SPTAN1: variants seen among roughly 807,000 people sequenced by gnomAD.
SPTAN1 encodes the protein spectrin alpha chain, non-erythrocytic 1.
A neutral mutation model predicts 331.3 loss-of-function variants in SPTAN1; 61 were observed. The observed-to-expected ratio is 0.18, with a 90% CI of 0.15 to 0.23. The LOEUF (loss-of-function observed/expected upper bound fraction) is 0.23, where lower values mean the gene tolerates loss of function less well. Ranked by LOEUF, SPTAN1 falls within the 10% of genes least tolerant of loss-of-function variation. The pLI is 1.00. For synonymous variants in SPTAN1, 1,153 were observed against 1,173.9 expected, an observed-to-expected ratio of 0.98 and a Z score of 0.36; for missense variants, 2,043 against 3,147.9, an observed-to-expected ratio of 0.65 and a Z score of 8.40.
rs1314945039 is a variant in SPTAN1, at chr9:128,575,270, A to G, written c.576A>G (p.Glu192=). Residue 192 remains glutamate (E), a synonymous_variant, in exon 5 of 57, where the codon GAA becomes GAG. Transcript: ENST00000372739. ...TAGAGGTTTTACAGAAGAAATTTGAAGAGTTTCAAACAGATATGGCTGCTC... is the reference window on the plus strand; with the variant it reads ...TAGAGGTTTTACAGAAGAAATTTGAGGAGTTTCAAACAGATATGGCTGCTC... ...EHVEVLQKKF[E]EFQTDMAAHE... 3.1e-6 allele frequency: 5 copies of G among 1,614,082 alleles called. No homozygotes were observed. The highest frequency in any genetic ancestry group is 4.2e-6 in the Non-Finnish European group (5 of 1,180,054).
chr9:128,612,709 T>G (rs1278602898), intron 39 of SPTAN1, among the ~76,000 whole-genome samples: 2 of 152,154 alleles, frequency 1.3e-5, no homozygotes, highest in African/African-American at 4.8e-5. Flanking sequence ...GCAGATCACT[T>G]GAGGTCAGGA....
chr9:128,623,622 ATT>A (rs777632874), intron 45 of SPTAN1, among the ~76,000 whole-genome samples: 1,203 of 117,090 alleles, frequency 0.01, 11 homozygotes, highest in African/African-American at 0.036. Context: ...AACCTGGCTA[ATT>A]TTTTTTTTTT....
In SPTAN1 at chr9:128,584,767, C is replaced by T; in HGVS notation, c.2484C>T (p.Ala828=). The T allele has an allele frequency of 6.2e-7, 1 of 1,614,144 alleles. No individual in the cohort carries two copies. Among genetic ancestry groups the T allele is most frequent in the Non-Finnish European group, 8.5e-7 (1 of 1,180,030 alleles). Residue 828 remains alanine, a synonymous_variant, in exon 18 of 57, where the codon GCC becomes GCT. Coordinates refer to ENST00000372739, the MANE Select transcript of SPTAN1 (RefSeq NM_001130438.3). ...AGAATCTGCTAAAGAAACATCAAGC[C>T]TTACAAGCAGAAATTGCTGGACATG... ...GVQNLLKKHQ[A]LQAEIAGHEP... is the part of the protein sequence containing the mutation.
chr9:128,623,912 C>G (rs968749589), intron 45 of SPTAN1, among the ~76,000 whole-genome samples: 3 of 150,998 alleles, frequency 2.0e-5, no homozygotes, highest in Non-Finnish European at 4.4e-5. Flanking sequence ...ATGGTGAAAC[C>G]CCCATCTCTA....
At position 128,627,123 on chromosome 9, in the gene SPTAN1, A is replaced by G. The variant is rs1858877013; in HGVS notation, c.6577-263A>G. 3.3e-6 allele frequency: 2 copies of G among 599,086 alleles called. No individual in the cohort carries two copies. The highest frequency in any genetic ancestry group is 6.2e-6 in the Non-Finnish European group (2 of 320,568). 37.1% of individuals were successfully genotyped at this position (599,086 alleles called of 1,614,324 possible). On this transcript the variant is annotated intron_variant, in intron 49 of 56. Coordinates refer to ENST00000372739, the MANE Select transcript of SPTAN1 (RefSeq NM_001130438.3). This position sits in a 1 kb window ranked among gnomAD's most constrained non-coding sequence, Gnocchi z 4.9. ...CCACTGTACCCAGCCAGAAGTTTCC[A>G]TTTCTGACAGTCCAGCAACTCCCTG...
chr9:128,563,191 G>A (rs1306334862), intron 1 of SPTAN1, among the ~76,000 whole-genome samples: 2 of 151,838 alleles, frequency 1.3e-5, no homozygotes, highest in Non-Finnish European at 1.5e-5. Flanking sequence ...TGAGGCATGT[G>A]TATCACTTGA....
At chr9:128,561,012 T>A (rs2132777561) in intron 1 of SPTAN1, among the ~76,000 whole-genome samples, 2 of 39,052 alleles carry the variant, frequency 5.1e-5, no homozygotes, top group East Asian at 7.4e-4. Flanking sequence ...CAAGACCCCA[T>A]CTCAAAAAAA....
intron 10 of SPTAN1, among the ~76,000 whole-genome samples, chr9:128,580,039 A>G (rs555282281): frequency 7.2e-4 from 110 of 152,212 alleles, no homozygotes; most frequent in African/African-American, 2.6e-3. Context: ...AAAATGATAC[A>G]TAGGCCAGGT....
rs1298905684 is a variant in SPTAN1 at position 128,632,110 on chromosome 9, G to A, written c.6763-17G>A. On this transcript the variant is annotated splice_polypyrimidine_tract_variant and intron_variant, in intron 52 of 56. Transcript: ENST00000372739. The stretch of plus-strand genomic sequence containing the variant: ...TGAGGGCCCCCGTCTGAGCATCTGT[G>A]CTCCCCACCCCTGCAGCGCAAGCAC... 6 of 1,612,128 alleles carry A rather than the reference G, an allele frequency of 3.7e-6. No homozygotes were observed. The highest frequency in any genetic ancestry group is 8.5e-7 in the Non-Finnish European group (1 of 1,179,596).
At chr9:128,562,125 T>C (rs1849446137) in intron 1 of SPTAN1, among the ~76,000 whole-genome samples, 1 of 152,074 alleles carries the variant, frequency 6.6e-6, no homozygotes. Context: ...ATTTGTTTTT[T>C]ATATTTTTTA....
chr9:128,583,057 C>T lies in SPTAN1; in HGVS notation c.1807-20C>T, dbSNP rs1852147312. On this transcript the variant is annotated intron_variant, in intron 14 of 56. Transcript: ENST00000372739. Reference sequence around the variant, plus strand: ...GTTCTCAGGTTCAAGATAGAAAGAACCCCCTTCTTTTATTCACAGGATCCA... The same window carrying T: ...GTTCTCAGGTTCAAGATAGAAAGAATCCCCTTCTTTTATTCACAGGATCCA... The T allele has an allele frequency of 6.2e-7, 1 of 1,611,268 alleles. No homozygotes were observed.
intron 1 of SPTAN1, among the ~76,000 whole-genome samples, chr9:128,562,389 C>T (rs1380308499): frequency 1.3e-5 from 2 of 151,886 alleles, no homozygotes; most frequent in Admixed American, 6.6e-5. Flanking sequence ...GCGTGAGCCA[C>T]CGCGCCCAGC....
intron 46 of SPTAN1, chr9:128,624,787 A>C (rs1858480440): frequency 3.5e-6 from 2 of 564,374 alleles, no homozygotes; most frequent in Middle Eastern, 4.8e-4. Flanking sequence ...CAAAGGCACC[A>C]CTAGCTGCCC....
intron 24 of SPTAN1, among the ~76,000 whole-genome samples, chr9:128,595,486 C>A (rs907950167): frequency 2.0e-5 from 3 of 152,120 alleles, no homozygotes; most frequent in Non-Finnish European, 2.9e-5. Context: ...ATGCTATGTT[C>A]TCTACATGTT....
chr9:128,578,396 G>C, intron 9 of SPTAN1, 151 bp downstream of exon 9: 1 of 1,048,004 alleles, frequency 9.5e-7, no homozygotes, highest in South Asian at 1.4e-5. Context: ...TTTGCCTTTG[G>C]AGACCTGGTC....
intron 24 of SPTAN1, among the ~76,000 whole-genome samples, chr9:128,597,892 A>T (rs1452467040): frequency 1.3e-5 from 2 of 151,398 alleles, no homozygotes; most frequent in Admixed American, 6.6e-5. Context: ...CTCGTGATCC[A>T]CCCATCTCGG....
At chr9:128,564,580 C>CAAAT (rs10669172) in intron 1 of SPTAN1, among the ~76,000 whole-genome samples, 145,972 of 151,010 alleles carry the variant, frequency 0.97, 70,689 homozygotes, top group Middle Eastern at 1. Flanking sequence ...GTCTCAAAAA[C>CAAAT]AAATAAATAA....
At chr9:128,571,296 A>AG (rs2130906904) in intron 3 of SPTAN1, among the ~76,000 whole-genome samples, 1 of 150,354 alleles carries the variant, frequency 6.7e-6, no homozygotes, top group South Asian at 2.1e-4. Flanking sequence ...AAAAAGAAAA[A>AG]AAAAAAGGCC....
chr9:128,633,464 A>G lies in SPTAN1; in HGVS notation c.*130A>G. On this transcript the variant is annotated 3_prime_UTR_variant, in exon 57 of 57. Coordinates refer to ENST00000372739, the MANE Select transcript of SPTAN1 (RefSeq NM_001130438.3). Reference sequence around the variant, plus strand: ...TAGCTTGGAATAAGACTTAGGAGAAAATGGTGCTTCACTAACCCGCTTCCG... The same window carrying G: ...TAGCTTGGAATAAGACTTAGGAGAAGATGGTGCTTCACTAACCCGCTTCCG... The G allele has an allele frequency of 1.3e-6, 2 of 1,502,934 alleles. No individual in the cohort carries two copies. The highest frequency in any genetic ancestry group is 2.3e-5 in the East Asian group (1 of 44,254). 93.1% of individuals were successfully genotyped at this position (1,502,934 alleles called of 1,614,324 possible).
Sources: allele counts gnomAD v4.1 joint callset (sites outside exome capture counted in the v4.1 genomes callset), GRCh38; gene constraint gnomAD v4.1.1; non-coding constraint Gnocchi (gnomAD v3.1); transcripts MANE v1.5; gene names NCBI Gene and HGNC (gene_info 2026-07-23, HGNC 2026-07-21).